The following TJP2 variants were observed in gnomAD, a reference collection of about 807,000 sequenced individuals.
The protein encoded by TJP2 is tight junction protein 2, also known as Friedreich ataxia region gene X104 (tight junction protein ZO-2).
Under a neutral mutation model 133.1 loss-of-function variants are expected in TJP2, and 91 were observed. The observed-to-expected ratio is 0.68, with a 90% CI of 0.58 to 0.81. The LOEUF is 0.81. Ranked by LOEUF, TJP2 falls within the 40% of genes least tolerant of loss-of-function variation. The probability of loss-of-function intolerance (pLI) is 0.00; values close to 1 mark genes in which losing one functional copy is unlikely to be tolerated. For missense variants in TJP2, 1,541 were observed against 1,565.6 expected (o/e 0.98, Z 0.26); for synonymous variants, 592 against 583.4 (o/e 1.01, Z -0.21).
chr9:69,208,817 G>A (rs1304050599), intron 1 of TJP2, among the ~76,000 whole-genome samples: 3 of 152,040 alleles, frequency 2.0e-5, no homozygotes, highest in Non-Finnish European at 2.9e-5. Flanking sequence ...AGGATGTCAT[G>A]TAATTTTTTT....
chr9:69,165,562 T>A (rs1824307028), intron 2 of TJP2, among the ~76,000 whole-genome samples: 1 of 152,158 alleles, frequency 6.6e-6, no homozygotes, highest in Non-Finnish European at 1.5e-5. Flanking sequence ...TGACTTAGTA[T>A]AGTATATGAA....
chr9:69,246,494 A>G (rs1830936118), intron 17 of TJP2, 196 bp from the exon 18 acceptor site: 3 of 606,536 alleles, frequency 4.9e-6, no homozygotes, highest in African/African-American at 3.7e-5. Flanking sequence ...TATAATGTGA[A>G]CTCAAACAGC....
chr9:69,121,402 G>T, upstream of TJP2: 1 of 878,230 alleles, frequency 1.1e-6, no homozygotes, highest in Non-Finnish European at 1.3e-6. Flanking sequence ...CCTCCCCGCC[G>T]CTGCTCTCTG....
chr9:69,188,606 A>G (rs1232492563), intron 1 of TJP2, among the ~76,000 whole-genome samples: 2 of 152,198 alleles, frequency 1.3e-5, no homozygotes, highest in African/African-American at 4.8e-5. Context: ...AAAGTAACAT[A>G]TCAATGTTGT....
intron 1 of TJP2, among the ~76,000 whole-genome samples, chr9:69,132,392 G>A (rs1822534165): frequency 6.6e-6 from 1 of 152,202 alleles, no homozygotes; most frequent in Non-Finnish European, 1.5e-5. Context: ...TTTTGGATGG[G>A]GATGAGAGTG....
Position 69,188,709 on chromosome 9 carries a change from A to G in TJP2, c.60+14277A>G, listed in dbSNP as rs545898818. 6.6e-5 allele frequency among the ~76,000 whole-genome samples: 10 copies of G among 152,294 alleles called. 1 individual carries two copies. In the South Asian group the frequency reaches 8.3e-4, roughly 13 times the overall value. On this transcript the variant is annotated intron_variant, in intron 1 of 22. Transcript: ENST00000377245. ...AGTTGCCTCTAAGACACAGCCTTAC[A>G]GGGAGGTATTAAGTGATTATGTATA...
At chr9:69,239,746 G>A (rs1830455317) in intron 16 of TJP2, among the ~76,000 whole-genome samples, 191 bp from the exon 17 acceptor site, 3 of 151,368 alleles carry the variant, frequency 2.0e-5, no homozygotes, top group Admixed American at 6.6e-5. Flanking sequence ...CCCGGGAGGC[G>A]GAGGTCGCAG....
At chr9:69,212,055 T>C (rs1301162668) in intron 1 of TJP2, among the ~76,000 whole-genome samples, 2 of 152,228 alleles carry the variant, frequency 1.3e-5, no homozygotes, top group African/African-American at 4.8e-5. Flanking sequence ...TCTTTCATAC[T>C]CAGTGATACA....
chr9:69,198,141 C>CTTT (rs5898062), intron 1 of TJP2, among the ~76,000 whole-genome samples: 30,224 of 96,176 alleles, frequency 0.31, 4,522 homozygotes, highest in Middle Eastern at 0.34. Context: ...TTTCCCAATT[C>CTTT]TTTTTTTTTT....
chr9:69,122,961 T>G (rs928097291), intron 1 of TJP2, among the ~76,000 whole-genome samples: 1 of 152,182 alleles, frequency 6.6e-6, no homozygotes, highest in African/African-American at 2.4e-5. Flanking sequence ...CTGGGTACTT[T>G]CAAGTGTTCA....
intron 14 of TJP2, 49 bp downstream of exon 14, chr9:69,237,185 C>T (rs775326282): frequency 1.2e-6 from 2 of 1,604,742 alleles, no homozygotes; most frequent in East Asian, 4.5e-5. Context: ...GGCTCTGAGC[C>T]TGTTCACCTT....
At chr9:69,129,934 G>A (rs1822413384) in intron 1 of TJP2, among the ~76,000 whole-genome samples, 1 of 148,608 alleles carries the variant, frequency 6.7e-6, no homozygotes, top group South Asian at 2.1e-4. Context: ...AAAATCGCCT[G>A]AACCCGGGAG....
At chr9:69,252,224 G>A (rs771240199) in intron 21 of TJP2, among the ~76,000 whole-genome samples, 72 of 152,094 alleles carry the variant, frequency 4.7e-4, no homozygotes, top group Non-Finnish European at 8.1e-4. Flanking sequence ...CGAACTCCTG[G>A]GCTCAAGCAA....
intron 1 of TJP2, among the ~76,000 whole-genome samples, chr9:69,146,553 T>A (rs10124154): frequency 0.029 from 4,364 of 152,316 alleles, 197 homozygotes; most frequent in African/African-American, 0.099. Context: ...ATTTTTATCA[T>A]ATGAGCAATG....
At chr9:69,211,982 G>T (rs1827948609) in intron 1 of TJP2, among the ~76,000 whole-genome samples, 1 of 152,036 alleles carries the variant, frequency 6.6e-6, no homozygotes, top group Non-Finnish European at 1.5e-5. Context: ...GTTTTTTCTG[G>T]ATACCTACTT....
intron 18 of TJP2, 39 bp downstream of exon 18, chr9:69,246,829 C>T: frequency 6.4e-7 from 1 of 1,573,432 alleles, no homozygotes; most frequent in South Asian, 1.1e-5. Context: ...GTGAGAGTCC[C>T]TGTTCTGAAA....
At chr9:69,196,787 A>G (rs1222756366) in intron 1 of TJP2, among the ~76,000 whole-genome samples, 1 of 151,836 alleles carries the variant, frequency 6.6e-6, no homozygotes, top group African/African-American at 2.4e-5. Flanking sequence ...ATTTCCCCCA[A>G]ACTCCCATAG....
intron 1 of TJP2, among the ~76,000 whole-genome samples, chr9:69,209,442 G>C (rs1827691136): frequency 6.6e-6 from 1 of 152,114 alleles, no homozygotes; most frequent in African/African-American, 2.4e-5. Flanking sequence ...CCCGGTTTCT[G>C]CTTTCTGTTT....
chr9:69,241,899 G>T (rs1205013922), intron 17 of TJP2, among the ~76,000 whole-genome samples: 1 of 152,200 alleles, frequency 6.6e-6, no homozygotes, highest in African/African-American at 2.4e-5. Flanking sequence ...GTCACGTAAT[G>T]CAGCCCTTCC....
Sources: allele counts gnomAD v4.1 joint callset (sites outside exome capture counted in the v4.1 genomes callset), GRCh38; gene constraint gnomAD v4.1.1; transcripts MANE v1.5; gene names NCBI Gene and HGNC (gene_info 2026-07-23, HGNC 2026-07-21).